Variants in LRRIQ1 observed in about 807,000 individuals in gnomAD.
LRRIQ1 encodes leucine rich repeats and IQ motif containing 1, also known as leucine-rich repeat- and IQ domain-containing protein 1.
A neutral mutation model predicts 211.9 loss-of-function variants in LRRIQ1; 210 were observed. The observed-to-expected ratio is 0.99, with a 90% CI of 0.89 to 1.11. The LOEUF (loss-of-function observed/expected upper bound fraction) is 1.11. Ranked by LOEUF, LRRIQ1 falls within the 50% of genes most tolerant of loss-of-function variation. The pLI is 0.00. For missense variants in LRRIQ1, 2,136 were observed against 1,939.5 expected (o/e 1.10, Z -1.90); for synonymous variants, 699 against 650.1 (o/e 1.08, Z -1.14).
chr12:85,116,336 G>T lies in LRRIQ1; in HGVS notation c.3378-5361G>T, dbSNP rs1307172819. 2.0e-5 allele frequency among the ~76,000 whole-genome samples: 3 copies of T among 152,062 alleles called. 1 individual carries two copies. In the South Asian group the frequency reaches 6.2e-4, roughly 31 times the overall value. ...TGTACTTTTTTTTTTAGTAGAGACG[G>T]GGTTTCATTGTGTTAGCCAGGCTGG... On this transcript the variant is annotated intron_variant, in intron 15 of 26. Transcript: ENST00000393217.
At chr12:85,211,847 G>A (rs1893852529) in intron 24 of LRRIQ1, among the ~76,000 whole-genome samples, 1 of 152,026 alleles carries the variant, frequency 6.6e-6, no homozygotes, top group Non-Finnish European at 1.5e-5. Flanking sequence ...TCCTTATAGA[G>A]AATCACACTG....
At chr12:85,263,856 C>T (rs1896365410) in exon 2 of LRRIQ1, 1 of 151,966 alleles carries the variant, frequency 6.6e-6, no homozygotes, top group African/African-American at 2.4e-5. Context: ...TCTAAAATTA[C>T]AGACCCATTT....
chr12:85,177,460 GC>G (rs146279335), intron 24 of LRRIQ1, among the ~76,000 whole-genome samples: 36,461 of 151,988 alleles, frequency 0.24, 4,959 homozygotes, highest in African/African-American at 0.35. Context: ...GAGTTTGAAG[GC>G]TGAGTAAAAG....
rs144829535 is a variant in LRRIQ1 at position 85,062,372 on chromosome 12, C to T, written c.2392-2890C>T. Among the ~76,000 whole-genome samples, 1,363 of 151,762 alleles carry T rather than the reference C, an allele frequency of 9.0e-3. 19 individuals carry two copies. The highest frequency in any genetic ancestry group is 0.029 in the African/African-American group (1,213 of 41,448). ...CTTCCTTTCACCACTTCGTGTTTTC[C>T]CCAGTGTCTGTTGTTCCTATTTTTA... is the stretch of plus-strand genomic sequence containing the variant. On this transcript the variant is annotated intron_variant, in intron 8 of 26. Transcript: ENST00000393217.
intron 24 of LRRIQ1, among the ~76,000 whole-genome samples, chr12:85,163,202 A>T (rs575323361): frequency 2.0e-5 from 3 of 152,330 alleles, no homozygotes; most frequent in Admixed American, 6.5e-5. Context: ...TTATTATAAA[A>T]TGCACCTCTT....
intron 7 of LRRIQ1, 129 bp from the exon 8 acceptor site, chr12:85,055,418 A>G (rs947689274): frequency 6.8e-6 from 5 of 735,610 alleles, no homozygotes; most frequent in African/African-American, 3.7e-5. Context: ...GTTTCTCTAA[A>G]TAAATTTTAT....
intron 19 of LRRIQ1, among the ~76,000 whole-genome samples, chr12:85,144,827 C>T (rs1020394883): frequency 2.6e-5 from 4 of 151,474 alleles, no homozygotes; most frequent in Admixed American, 6.6e-5. Context: ...GTTTGCAATG[C>T]GGAGATTACT....
chr12:85,161,321 T>C (rs1298604070), intron 24 of LRRIQ1, among the ~76,000 whole-genome samples: 1 of 152,142 alleles, frequency 6.6e-6, no homozygotes, highest in Non-Finnish European at 1.5e-5. Flanking sequence ...GCAGCAAACA[T>C]GACTTAAAAC....
intron 24 of LRRIQ1, among the ~76,000 whole-genome samples, chr12:85,225,032 TAC>T (rs1322974433): frequency 9.9e-5 from 15 of 152,110 alleles, no homozygotes; most frequent in African/African-American, 3.4e-4. Flanking sequence ...GACATATAAT[TAC>T]AGTCAGCCTC....
chr12:85,061,184 A>G (rs537691331), intron 8 of LRRIQ1, among the ~76,000 whole-genome samples: 1 of 151,852 alleles, frequency 6.6e-6, no homozygotes, highest in Admixed American at 6.6e-5. Flanking sequence ...TTATGCTCCA[A>G]TTGCTGTTTT....
intron 24 of LRRIQ1, among the ~76,000 whole-genome samples, chr12:85,225,494 A>G (rs933441978): frequency 1.3e-5 from 2 of 152,182 alleles, no homozygotes; most frequent in African/African-American, 4.8e-5. Context: ...TCCTATAATG[A>G]GTATGTATTA....
chr12:85,066,657 A>T, intron 9 of LRRIQ1, 91 bp from the exon 10 acceptor site: 2 of 901,540 alleles, frequency 2.2e-6, no homozygotes, highest in Admixed American at 3.1e-5. Flanking sequence ...TGGAGATCCT[A>T]TCTCATCTTT....
At position 85,104,079 on chromosome 12, in the gene LRRIQ1, T is replaced by C. The variant is rs1476709943; in HGVS notation, c.3283+2T>C. 2.0e-6 allele frequency: 3 copies of C among 1,496,474 alleles called. 1 individual carries two copies. The highest frequency in any genetic ancestry group is 2.6e-5 in the South Asian group (2 of 77,646). 92.7% of individuals were successfully genotyped at this position (1,496,474 alleles called of 1,614,324 possible). A position where few individuals can be genotyped will look rare whatever the true frequency, so the allele number is the denominator to read the frequency against. On this transcript the variant is annotated splice_donor_variant, in intron 14 of 26. Transcript: ENST00000393217. LOFTEE classifies it high-confidence loss of function. ...ATGTCAGCCACAATTGTCTTTCTGG[T>C]AAGTTTAGCATAATATATATATTTT...
At chr12:85,131,383 T>G (rs899647501) in intron 18 of LRRIQ1, among the ~76,000 whole-genome samples, 32 of 152,100 alleles carry the variant, frequency 2.1e-4, no homozygotes, top group Non-Finnish European at 1.5e-5. Flanking sequence ...GCTTGTTTAC[T>G]CTCAGTGTTT....
chr12:85,040,622 T>C, intron 3 of LRRIQ1, 21 bp downstream of exon 3: 1 of 1,402,026 alleles, frequency 7.1e-7, no homozygotes, highest in Non-Finnish European at 9.9e-7. Flanking sequence ...TTTTCATCTG[T>C]CTGGCAGATA....
chr12:85,065,488 G>T lies in LRRIQ1; in HGVS notation c.2544+74G>T, dbSNP rs889487910. On this transcript the variant is annotated intron_variant, in intron 9 of 26. Coordinates refer to ENST00000393217, the MANE Select transcript of LRRIQ1 (RefSeq NM_001079910.2). ...GGATTTATGTTTACATTTCAGAAATGACCCTTTTGAAGAAACAATTACTAA... is the reference window on the plus strand; with the variant it reads ...GGATTTATGTTTACATTTCAGAAATTACCCTTTTGAAGAAACAATTACTAA... The T allele has an allele frequency of 3.3e-6, 4 of 1,222,336 alleles. No homozygotes were observed. The Admixed American group carries it at 1.1e-4, about 33-fold the overall frequency. The allele number at this position is 1,222,336 out of a possible 1,614,324, so 75.7% of individuals were successfully genotyped here.
intron 23 of LRRIQ1, among the ~76,000 whole-genome samples, chr12:85,155,162 C>A (rs1353804388): frequency 6.6e-6 from 1 of 151,312 alleles, no homozygotes; most frequent in Non-Finnish European, 1.5e-5. Flanking sequence ...AACTTGCATA[C>A]CTTATTGTTA....
chr12:85,109,063 A>G (rs1224120407), intron 15 of LRRIQ1, among the ~76,000 whole-genome samples: 1 of 152,168 alleles, frequency 6.6e-6, no homozygotes, highest in Non-Finnish European at 1.5e-5. Flanking sequence ...AGGTGTGGCC[A>G]TGTCCAGGAA....
At chr12:85,075,219 G>T (rs1883507679) in intron 11 of LRRIQ1, among the ~76,000 whole-genome samples, 1 of 152,034 alleles carries the variant, frequency 6.6e-6, no homozygotes, top group African/African-American at 2.4e-5. Context: ...GGCTGAAGAG[G>T]GAGGATCACT....
Sources: gnomAD v4.1 joint callset for allele counts (sites outside exome capture counted in the v4.1 genomes callset) on GRCh38, gnomAD v4.1.1 for gene constraint, MANE v1.5 for transcripts, NCBI Gene and HGNC (gene_info 2026-07-23, HGNC 2026-07-21) for gene names.